The following SREK1IP1 variants were observed in gnomAD, a reference collection of about 807,000 sequenced individuals.
The protein encoded by SREK1IP1 is protein SREK1IP1.
Under a neutral mutation model 22.8 loss-of-function variants are expected in SREK1IP1, and 12 were observed. That is an observed-to-expected ratio of 0.53 (90% confidence interval 0.34 to 0.85). SREK1IP1 has a LOEUF of 0.85. SREK1IP1 is among the 40% of genes least tolerant of loss of function. The probability of loss-of-function intolerance (pLI) is 0.02; values close to 1 mark genes in which losing one functional copy is unlikely to be tolerated. For synonymous variants in SREK1IP1, 53 were observed against 52.7 expected (o/e 1.01, Z -0.02); for missense variants, 147 against 171.8 (o/e 0.86, Z 0.81).
intron 2 of SREK1IP1, among the ~76,000 whole-genome samples, chr5:64,754,063 C>T (rs766459743): frequency 1.3e-5 from 2 of 152,228 alleles, no homozygotes; most frequent in Non-Finnish European, 1.5e-5. Context: ...CCTTAATCTA[C>T]TACTAACCAC....
At chr5:64,733,719 A>G (rs879530206) in intron 3 of SREK1IP1, among the ~76,000 whole-genome samples, 1 of 152,138 alleles carries the variant, frequency 6.6e-6, no homozygotes, top group Non-Finnish European at 1.5e-5. Flanking sequence ...TTTTATTAAT[A>G]ATAACCCCAA....
At chr5:64,741,987 ATT>A (rs11355158) in intron 2 of SREK1IP1, among the ~76,000 whole-genome samples, 304 of 143,342 alleles carry the variant, frequency 2.1e-3, no homozygotes, top group African/African-American at 6.1e-3. Context: ...ATCTCATTCC[ATT>A]TTTTTTTTTT....
intron 3 of SREK1IP1, among the ~76,000 whole-genome samples, chr5:64,740,442 G>A (rs943390511): frequency 6.6e-6 from 1 of 152,096 alleles, no homozygotes; most frequent in Non-Finnish European, 1.5e-5. Flanking sequence ...TATGTTTCAT[G>A]ACCAAATCAA....
chr5:64,763,676 A>G (rs779229513), intron 1 of SREK1IP1, among the ~76,000 whole-genome samples: 19 of 152,358 alleles, frequency 1.2e-4, no homozygotes, highest in Non-Finnish European at 2.6e-4. Flanking sequence ...GCTCAGCAGC[A>G]GTTATAGTAA....
intron 2 of SREK1IP1, among the ~76,000 whole-genome samples, chr5:64,752,205 G>A (rs561655200): frequency 7.3e-6 from 1 of 136,218 alleles, no homozygotes; most frequent in South Asian, 2.3e-4. Context: ...AGGCTGGAGT[G>A]CAGTGGCGCA....
intron 1 of SREK1IP1, among the ~76,000 whole-genome samples, chr5:64,758,406 C>T (rs964115847): frequency 2.6e-5 from 4 of 152,092 alleles, no homozygotes; most frequent in African/African-American, 9.7e-5. Context: ...GTCATTGAAG[C>T]TTTTGAGCAT....
At chr5:64,758,468 A>G (rs574151853) in intron 1 of SREK1IP1, among the ~76,000 whole-genome samples, 30 of 152,348 alleles carry the variant, frequency 2.0e-4, no homozygotes, top group Admixed American at 8.5e-4. Context: ...TTAAAAACAA[A>G]TATGTTGTAG....
rs1742169711 is a variant in SREK1IP1 at position 64,721,893 on chromosome 5, G to T, written c.*2491C>A. The T allele has an allele frequency of 6.6e-6, 1 of 152,022 alleles. No homozygotes were observed. The highest frequency in any genetic ancestry group is 2.4e-5 in the African/African-American group (1 of 41,386). 9.4% of individuals were successfully genotyped at this position (152,022 alleles called of 1,614,324 possible). Reference sequence around the variant, plus strand: ...TATTAAACCTTGAAGTGATTTCAGAGATAATCTGGTACAATATTTTATAGA... The same window carrying T: ...TATTAAACCTTGAAGTGATTTCAGATATAATCTGGTACAATATTTTATAGA... On this transcript the variant is annotated 3_prime_UTR_variant, in exon 5 of 5. Transcript: ENST00000513458.
chr5:64,756,342 T>A (rs988101138), intron 1 of SREK1IP1, among the ~76,000 whole-genome samples: 7 of 152,182 alleles, frequency 4.6e-5, no homozygotes, highest in Non-Finnish European at 8.8e-5. Flanking sequence ...TAGCCCCTAG[T>A]AGTCTCTATT....
intron 2 of SREK1IP1, among the ~76,000 whole-genome samples, chr5:64,748,976 G>A (rs754226001): frequency 6.6e-5 from 10 of 151,176 alleles, no homozygotes; most frequent in Non-Finnish European, 7.4e-5. Context: ...TTTAATACAC[G>A]GTACCAGGTT....
chr5:64,752,146 G>GTTTTTTT (rs869277379), intron 2 of SREK1IP1, among the ~76,000 whole-genome samples: 3 of 61,040 alleles, frequency 4.9e-5, no homozygotes, highest in Non-Finnish European at 9.1e-5. Flanking sequence ...TTTTTTGTGT[G>GTTTTTTT]TTTTTTTTTT....
intron 2 of SREK1IP1, among the ~76,000 whole-genome samples, chr5:64,747,084 C>T (rs1167502238): frequency 6.6e-6 from 1 of 152,150 alleles, no homozygotes; most frequent in East Asian, 1.9e-4. Flanking sequence ...CTTCCATGTG[C>T]TCTCTGTGTG....
At chr5:64,727,553 A>ATATATATTT in intron 4 of SREK1IP1, 1 of 84,716 alleles carries the variant, frequency 1.2e-5, no homozygotes, top group East Asian at 3.2e-4. Flanking sequence ...ATATATATAT[A>ATATATATTT]TTTTTTTTTT....
At chr5:64,736,808 C>T (rs1267976219) in intron 3 of SREK1IP1, among the ~76,000 whole-genome samples, 2 of 145,986 alleles carry the variant, frequency 1.4e-5, no homozygotes, top group Non-Finnish European at 3.1e-5. Flanking sequence ...ACCCTTTTAT[C>T]ATTAGGAAAA....
rs1163787131 is a variant in SREK1IP1 at position 64,722,897 on chromosome 5, A to C, written c.*1487T>G. The C allele has an allele frequency of 6.6e-6, 1 of 152,212 alleles. No individual in the cohort carries two copies. Among genetic ancestry groups the C allele is most frequent in the Non-Finnish European group, 1.5e-5 (1 of 68,024 alleles). 9.4% of individuals were successfully genotyped at this position (152,212 alleles called of 1,614,324 possible). A position where few individuals can be genotyped will look rare whatever the true frequency, so the allele number is the denominator to read the frequency against. Reference sequence around the variant, plus strand: ...GGTATCCACATTGGGTGCCAGGTGAAACAAGAATCAGTAAACCTTTCTAGC... The same window carrying C: ...GGTATCCACATTGGGTGCCAGGTGACACAAGAATCAGTAAACCTTTCTAGC... On this transcript the variant is annotated 3_prime_UTR_variant, in exon 5 of 5. Coordinates refer to ENST00000513458, the MANE Select transcript of SREK1IP1 (RefSeq NM_173829.4).
At chr5:64,730,925 T>C (rs950420453) in intron 3 of SREK1IP1, among the ~76,000 whole-genome samples, 7 of 150,858 alleles carry the variant, frequency 4.6e-5, no homozygotes, top group African/African-American at 1.7e-4. Flanking sequence ...TTACAGATAT[T>C]TGCAAAAGAA....
intron 3 of SREK1IP1, among the ~76,000 whole-genome samples, chr5:64,731,064 C>G (rs147310610): frequency 6.6e-6 from 1 of 152,032 alleles, no homozygotes; most frequent in Non-Finnish European, 1.5e-5. Context: ...GAGTAAAAAG[C>G]GTACAGTGTA....
intron 1 of SREK1IP1, among the ~76,000 whole-genome samples, chr5:64,755,440 A>C (rs1160669343): frequency 6.6e-6 from 1 of 152,220 alleles, no homozygotes; most frequent in East Asian, 1.9e-4. Flanking sequence ...CATTATCCTA[A>C]GTGAATTAAC....
intron 3 of SREK1IP1, among the ~76,000 whole-genome samples, chr5:64,731,089 G>C (rs1561384079): frequency 6.6e-6 from 1 of 152,108 alleles, no homozygotes; most frequent in Non-Finnish European, 1.5e-5. Flanking sequence ...ATTAATTTTG[G>C]AGGCTGAGAA....
Sources: gnomAD v4.1 joint callset for allele counts (sites outside exome capture counted in the v4.1 genomes callset) on GRCh38, gnomAD v4.1.1 for gene constraint, MANE v1.5 for transcripts, NCBI Gene and HGNC (gene_info 2026-07-23, HGNC 2026-07-21) for gene names.